NXPE2: variants seen among roughly 807,000 people sequenced by gnomAD.
NXPE2 encodes the protein NXPE family member 2.
Under a neutral mutation model 34.4 loss-of-function variants are expected in NXPE2, and 34 were observed. The observed-to-expected ratio is 0.99, with a 90% CI of 0.75 to 1.31. The LOEUF (loss-of-function observed/expected upper bound fraction) is 1.31, where lower values mean the gene tolerates loss of function less well. Ranked by LOEUF, NXPE2 falls within the 40% of genes most tolerant of loss-of-function variation. NXPE2 has a pLI of 0.00. For synonymous variants in NXPE2, 235 were observed against 231.3 expected, an observed-to-expected ratio of 1.02 and a Z score of -0.15; for missense variants, 649 against 672.5, an observed-to-expected ratio of 0.97 and a Z score of 0.39.
the NXPE2 span, among the ~76,000 whole-genome samples, chr11:114,493,060 T>C: frequency 7.2e-5 from 11 of 152,320 alleles, no homozygotes; most frequent in Admixed American, 3.9e-4. Flanking sequence ...TATAATGCCC[T>C]TCTTTGTCTC....
the NXPE2 span, among the ~76,000 whole-genome samples, chr11:114,636,349 T>C: frequency 6.6e-6 from 1 of 151,898 alleles, no homozygotes; most frequent in East Asian, 1.9e-4. Flanking sequence ...TTGATTCTTC[T>C]CTCTTTTTTT....
the NXPE2 span, among the ~76,000 whole-genome samples, chr11:114,482,046 G>C: frequency 7.1e-6 from 1 of 141,692 alleles, no homozygotes; most frequent in Non-Finnish European, 1.5e-5. Context: ...ACTGAAGAAT[G>C]AAAGATGGAT....
rs1197596040 is a variant in NXPE2, at chr11:114,679,691, A to G, written c.61A>G (p.Lys21Glu). 6.5e-7 allele frequency: 1 copy of G among 1,550,380 alleles called. No individual in the cohort carries two copies. Among genetic ancestry groups the G allele is most frequent in the African/African-American group, 1.4e-5 (1 of 73,096 alleles). The change falls in exon 2 of 6, where the codon AAA becomes GAA. Residue 21 changes from lysine to glutamate, a missense_variant. Physicochemically the swap from Lys to Glu is moderately conservative, Grantham distance 56. Transcript: ENST00000389586. ...LTLFPNAIARKLLLMLTFILI... is the reference protein window; with the variant it reads ...LTLFPNAIARELLLMLTFILI... ...TTTGTTTCCAAATGCCATAGCTCGA[A>G]AATTACTGCTGATGTTGACATTTAT...
At chr11:114,586,892 G>A in the NXPE2 span, among the ~76,000 whole-genome samples, 1 of 152,234 alleles carries the variant, frequency 6.6e-6, no homozygotes, top group South Asian at 2.1e-4. Context: ...ATGCCATAAT[G>A]CCTGGGAATA....
At chr11:114,502,235 G>C in the NXPE2 span, among the ~76,000 whole-genome samples, 1 of 151,652 alleles carries the variant, frequency 6.6e-6, no homozygotes, top group Non-Finnish European at 1.5e-5. Context: ...TATGCTGCCT[G>C]GGACTCATTG....
At chr11:114,554,057 A>G in the NXPE2 span, 1 of 985,384 alleles carries the variant, frequency 1.0e-6, no homozygotes, top group Non-Finnish European at 1.2e-6. Flanking sequence ...ATCTTTGTGA[A>G]TGGTATCCCA....
At chr11:114,543,878 T>C in the NXPE2 span, among the ~76,000 whole-genome samples, 5 of 152,162 alleles carry the variant, frequency 3.3e-5, no homozygotes, top group Admixed American at 2.6e-4. Context: ...TAAGTAAATA[T>C]AGCAAGGTTT....
chr11:114,642,878 C>T, the NXPE2 span, among the ~76,000 whole-genome samples: 1 of 152,062 alleles, frequency 6.6e-6, no homozygotes, highest in African/African-American at 2.4e-5. Context: ...ACACTCTCAC[C>T]AACAGTGTAA....
At chr11:114,757,400 A>G in the NXPE2 span, among the ~76,000 whole-genome samples, 16 of 150,366 alleles carry the variant, frequency 1.1e-4, no homozygotes, top group Non-Finnish European at 2.1e-4. Context: ...AGGAGCAAAA[A>G]TTCTGTTTTG....
the NXPE2 span, among the ~76,000 whole-genome samples, chr11:114,465,525 G>A: frequency 1.4e-4 from 22 of 152,270 alleles, no homozygotes; most frequent in East Asian, 3.5e-3. Context: ...GCTTACCTTC[G>A]TGAGGGAGGA....
At chr11:114,709,493 A>AGGT (rs1859569835), downstream of NXPE2, among the ~76,000 whole-genome samples, 1 of 152,242 alleles carries the variant, frequency 6.6e-6, no homozygotes, top group Non-Finnish European at 1.5e-5. Context: ...GATAATGACT[A>AGGT]TATTGCTAAT....
chr11:114,530,889 A>G, the NXPE2 span: 249,223 of 1,611,228 alleles, frequency 0.15, 24,588 homozygotes, highest in African/African-American at 0.45. Context: ...AGAGATGGAT[A>G]AGTTTAGAGC....
At chr11:114,468,329 G>A in the NXPE2 span, among the ~76,000 whole-genome samples, 1 of 152,110 alleles carries the variant, frequency 6.6e-6, no homozygotes, top group Non-Finnish European at 1.5e-5. Flanking sequence ...CTGAAGCAGT[G>A]GGCTGGGAGA....
the NXPE2 span, among the ~76,000 whole-genome samples, chr11:114,557,228 CT>C: frequency 6.6e-6 from 1 of 152,070 alleles, no homozygotes; most frequent in South Asian, 2.1e-4. Flanking sequence ...GTCAAAAACT[CT>C]AAAATTATTC....
chr11:114,728,584 C>G, the NXPE2 span, among the ~76,000 whole-genome samples: 1 of 152,072 alleles, frequency 6.6e-6, no homozygotes, highest in Non-Finnish European at 1.5e-5. Context: ...TCCTAAAACC[C>G]TATGTCTTCC....
the NXPE2 span, among the ~76,000 whole-genome samples, chr11:114,778,732 C>T: frequency 6.6e-6 from 1 of 152,158 alleles, no homozygotes; most frequent in African/African-American, 2.4e-5. Context: ...CCATCAAAGG[C>T]ACTTGGAGCT....
At chr11:114,639,698 AATAT>A in the NXPE2 span, among the ~76,000 whole-genome samples, 1 of 137,218 alleles carries the variant, frequency 7.3e-6, no homozygotes, top group Non-Finnish European at 1.5e-5. Flanking sequence ...TCTATTCTAT[AATAT>A]ATTCTATAAT....
the NXPE2 span, among the ~76,000 whole-genome samples, chr11:114,483,997 T>A: frequency 6.6e-6 from 1 of 152,122 alleles, no homozygotes; most frequent in Non-Finnish European, 1.5e-5. Flanking sequence ...CTTTTATGGG[T>A]TGTGTAGCTT....
the NXPE2 span, among the ~76,000 whole-genome samples, chr11:114,804,957 T>G: frequency 1.3e-5 from 2 of 151,550 alleles, no homozygotes; most frequent in African/African-American, 2.4e-5. Flanking sequence ...TAATTTCCCT[T>G]ATGAAACTCC....
Sources: allele counts gnomAD v4.1 joint callset (sites outside exome capture counted in the v4.1 genomes callset), GRCh38; gene constraint gnomAD v4.1.1; transcripts MANE v1.5; gene names NCBI Gene and HGNC (gene_info 2026-07-23, HGNC 2026-07-21).